The following RBMS1 variants were observed in gnomAD, a reference collection of about 807,000 sequenced individuals.
RBMS1 encodes RNA binding motif single stranded interacting protein 1, also known as RNA-binding motif, single-stranded-interacting protein 1.
A neutral mutation model predicts 62.3 loss-of-function variants in RBMS1; 17 were observed. The observed-to-expected ratio is 0.27, with a 90% CI of 0.19 to 0.41. RBMS1 has a LOEUF of 0.41. RBMS1 is among the 10% of genes least tolerant of loss of function. The probability of loss-of-function intolerance (pLI) is 1.00; values close to 1 mark genes in which losing one functional copy is unlikely to be tolerated. For missense variants in RBMS1, 334 were observed against 504.5 expected (o/e 0.66, Z 3.24); for synonymous variants, 172 against 170.0 (o/e 1.01, Z -0.09).
chr2:160,463,394 T>C (rs1009385103), intron 1 of RBMS1, among the ~76,000 whole-genome samples: 8 of 152,318 alleles, frequency 5.3e-5, no homozygotes, highest in Non-Finnish European at 7.3e-5. Flanking sequence ...TATTTAGGGC[T>C]GAAAATGATA....
chr2:160,345,852 G>A (rs965067494), intron 2 of RBMS1, among the ~76,000 whole-genome samples: 1 of 151,988 alleles, frequency 6.6e-6, no homozygotes, highest in South Asian at 2.1e-4. Flanking sequence ...TCCTTATAAC[G>A]CTAGATTTAA....
At chr2:160,426,244 A>AGAAAGAAAGAAAGAAG (rs1334988402) in intron 1 of RBMS1, among the ~76,000 whole-genome samples, 1 of 122,644 alleles carries the variant, frequency 8.2e-6, no homozygotes, top group Non-Finnish European at 1.7e-5. Context: ...AAAGAAAGAA[A>AGAAAGAAAGAAAGAAG]GAAAGAAAGA....
intron 1 of RBMS1, among the ~76,000 whole-genome samples, chr2:160,380,750 T>C (rs1245029872): frequency 6.6e-6 from 1 of 152,058 alleles, no homozygotes; most frequent in East Asian, 1.9e-4. Flanking sequence ...TAGGAAGGAA[T>C]AGACAAGCTT....
chr2:160,493,244 C>T (rs1194567415), intron 1 of RBMS1, 45 bp downstream of exon 1: 6 of 1,581,010 alleles, frequency 3.8e-6, no homozygotes, highest in Non-Finnish European at 2.6e-6. Context: ...CGCGCGTCCC[C>T]GGGCCCCCTC....
rs568850028 is a variant in RBMS1, at chr2:160,463,208, T to C, written c.75+30081A>G. On this transcript the variant is annotated intron_variant, in intron 1 of 13. Transcript: ENST00000348849. ...ACATAAAAGAAATGATAACCTGTTC[T>C]AGAAAAAAGAGGTTCAAAAAGATGT... Among the ~76,000 whole-genome samples the C allele has an allele frequency of 2.6e-5, 4 of 152,338 alleles. No individual in the cohort carries two copies. In the South Asian group the frequency reaches 8.3e-4, roughly 32 times the overall value.
At chr2:160,390,146 T>A (rs1573985289) in intron 1 of RBMS1, among the ~76,000 whole-genome samples, 1 of 152,166 alleles carries the variant, frequency 6.6e-6, no homozygotes, top group African/African-American at 2.4e-5. Context: ...GCATTATTGC[T>A]TTTCCACTCC....
intron 1 of RBMS1, among the ~76,000 whole-genome samples, chr2:160,448,911 A>C (rs1297277912): frequency 1.4e-5 from 2 of 144,582 alleles, no homozygotes; most frequent in Non-Finnish European, 1.5e-5. Context: ...CCGCCACCCC[A>C]TCTGGGATGT....
At chr2:160,284,896 A>G (rs778065768) in intron 8 of RBMS1, 28 bp from the exon 9 acceptor site, 1 of 1,571,700 alleles carries the variant, frequency 6.4e-7, no homozygotes, top group South Asian at 1.1e-5. Context: ...GCCTTTATTA[A>G]GTAATCCTTT....
In RBMS1 at chr2:160,272,380, C is replaced by G. The variant is rs1408018056; in HGVS notation, c.*2392G>C. The G allele has an allele frequency of 6.6e-6, 1 of 151,616 alleles. No individual in the cohort carries two copies. The highest frequency in any genetic ancestry group is 2.4e-5 in the African/African-American group (1 of 41,234). The allele number at this position is 151,616 out of a possible 1,614,324, so 9.4% of individuals were successfully genotyped here. ...AACTCTCTTGATCATATAGATATCT[C>G]TATGAAAATCTTTTTTTTTCAATCT... is the stretch of plus-strand genomic sequence containing the variant. On this transcript the variant is annotated 3_prime_UTR_variant, in exon 14 of 14. Coordinates refer to ENST00000348849, the MANE Select transcript of RBMS1 (RefSeq NM_016836.4).
chr2:160,449,811 A>T (rs538539937), intron 1 of RBMS1, among the ~76,000 whole-genome samples: 1 of 144,338 alleles, frequency 6.9e-6, no homozygotes, highest in South Asian at 2.2e-4. Flanking sequence ...GAAACACCCA[A>T]GAACGATCAA....
At chr2:160,323,380 G>C (rs556954954) in intron 2 of RBMS1, among the ~76,000 whole-genome samples, 25 of 152,008 alleles carry the variant, frequency 1.6e-4, no homozygotes, top group Non-Finnish European at 2.9e-4. Context: ...GGAAGCTGAG[G>C]TGGGAGGATC....
chr2:160,322,491 G>A (rs1690615939), intron 2 of RBMS1, among the ~76,000 whole-genome samples: 1 of 152,222 alleles, frequency 6.6e-6, no homozygotes. Flanking sequence ...ACATTTATCA[G>A]TTTTACTTTC....
chr2:160,394,996 A>G (rs1695062447), intron 1 of RBMS1, among the ~76,000 whole-genome samples: 1 of 152,232 alleles, frequency 6.6e-6, no homozygotes, highest in South Asian at 2.1e-4. Flanking sequence ...CTAAAATGCA[A>G]AAGCTTCTTT....
chr2:160,278,662 G>A lies in RBMS1; in HGVS notation c.952-4C>T. ...TTGAGGGAGTTAACACGGCACCCTG[G>A]GGAGTTGGAGACAGGAGCAAAATTA... On this transcript the variant is annotated splice_polypyrimidine_tract_variant and splice_region_variant and intron_variant, in intron 10 of 13. Transcript: ENST00000348849. The A allele has an allele frequency of 6.2e-7, 1 of 1,601,242 alleles. No homozygotes were observed. The highest frequency in any genetic ancestry group is 8.5e-7 in the Non-Finnish European group (1 of 1,172,426).
intron 1 of RBMS1, among the ~76,000 whole-genome samples, chr2:160,487,683 C>T (rs1685652918): frequency 6.6e-6 from 1 of 152,222 alleles, no homozygotes; most frequent in Non-Finnish European, 1.5e-5. Context: ...GATCTACATG[C>T]AAGCTAACTG....
At chr2:160,287,593 T>C (rs996614236) in intron 6 of RBMS1, among the ~76,000 whole-genome samples, 1 of 152,256 alleles carries the variant, frequency 6.6e-6, no homozygotes, top group African/African-American at 2.4e-5. Flanking sequence ...GTATGTTTAC[T>C]TGCTTGGTGT....
chr2:160,306,186 CT>C (rs1689511683), intron 4 of RBMS1, among the ~76,000 whole-genome samples: 1 of 150,972 alleles, frequency 6.6e-6, no homozygotes, highest in Non-Finnish European at 1.5e-5. Flanking sequence ...ATGGAGTGGA[CT>C]TTCTTTTTAA....
chr2:160,474,342 G>A (rs984699352), intron 1 of RBMS1, among the ~76,000 whole-genome samples: 30 of 152,278 alleles, frequency 2.0e-4, no homozygotes, highest in African/African-American at 6.7e-4. Context: ...TTTTTTGTGT[G>A]TGTTGATGAA....
At chr2:160,446,032 C>T (rs1314616343) in intron 1 of RBMS1, among the ~76,000 whole-genome samples, 1 of 152,122 alleles carries the variant, frequency 6.6e-6, no homozygotes, top group Non-Finnish European at 1.5e-5. Flanking sequence ...AAGTGGTTAA[C>T]TCCAGGTAAA....
Sources: allele counts gnomAD v4.1 joint callset (sites outside exome capture counted in the v4.1 genomes callset), GRCh38; gene constraint gnomAD v4.1.1; transcripts MANE v1.5; gene names NCBI Gene and HGNC (gene_info 2026-07-23, HGNC 2026-07-21).